The following CIT variants were observed in gnomAD, a reference collection of about 807,000 sequenced individuals.
CIT encodes the protein citron rho-interacting serine/threonine kinase, also known as citron Rho-interacting kinase.
CIT carries 79 observed loss-of-function variants against 272.7 expected under a neutral mutation model. The ratio of observed to expected loss-of-function variants is 0.29; its 90% confidence interval spans 0.24 to 0.35. The LOEUF is 0.35. Ranked by LOEUF, CIT falls within the 10% of genes least tolerant of loss-of-function variation. The pLI, the probability that CIT is intolerant of heterozygous loss-of-function variation, is 1.00. For synonymous variants in CIT, 948 were observed against 995.6 expected (o/e 0.95, Z 0.90); for missense variants, 1,909 against 2,618.3 (o/e 0.73, Z 5.91).
At chr12:119,868,993 T>C in intron 3 of CIT, 67 bp downstream of exon 3, 1 of 1,574,464 alleles carries the variant, frequency 6.4e-7, no homozygotes, top group Non-Finnish European at 8.7e-7. Context: ...TAACTCATTC[T>C]GCCTCAAGCA....
At chr12:119,766,529 C>CA (rs34681518) in intron 19 of CIT, among the ~76,000 whole-genome samples, 3 of 151,828 alleles carry the variant, frequency 2.0e-5, no homozygotes, top group Middle Eastern at 3.4e-3. Flanking sequence ...TTAATGGCTG[C>CA]AAAAAAATAG....
intron 2 of CIT, 42 bp downstream of exon 2, chr12:119,876,030 AG>A (rs996155412): frequency 8.4e-7 from 1 of 1,189,066 alleles, no homozygotes; most frequent in African/African-American, 1.5e-5. Flanking sequence ...GGAGATTCCA[AG>A]GACACACACA....
chr12:119,796,993 A>G (rs1965783994), intron 10 of CIT, among the ~76,000 whole-genome samples: 1 of 152,224 alleles, frequency 6.6e-6, no homozygotes, highest in Non-Finnish European at 1.5e-5. Flanking sequence ...TGGAAAAAAG[A>G]GGTGTTGAGT....
intron 23 of CIT, among the ~76,000 whole-genome samples, chr12:119,751,842 A>G (rs1186459478): frequency 2.0e-5 from 3 of 152,254 alleles, no homozygotes; most frequent in African/African-American, 7.2e-5. Context: ...GATACTAAGA[A>G]AAGTTTGAAT....
intron 28 of CIT, among the ~76,000 whole-genome samples, chr12:119,724,644 T>C (rs1475561600): frequency 6.6e-6 from 1 of 152,084 alleles, no homozygotes; most frequent in African/African-American, 2.4e-5. Context: ...ATAGTGGCTA[T>C]AAAGTGTCAT....
intron 23 of CIT, chr12:119,742,729 T>C: frequency 3.2e-6 from 1 of 317,258 alleles, no homozygotes; most frequent in Non-Finnish European, 5.7e-6. Flanking sequence ...TATTAACACC[T>C]ACAGGCTATT....
chr12:119,757,702 A>G (rs956774201), intron 21 of CIT, among the ~76,000 whole-genome samples, 157 bp from the exon 22 acceptor site: 1 of 152,142 alleles, frequency 6.6e-6, no homozygotes, highest in Admixed American at 6.5e-5. Context: ...TGGCCTCATA[A>G]GCATGATCCC....
At chr12:119,750,568 T>A (rs1374677991) in intron 23 of CIT, among the ~76,000 whole-genome samples, 4 of 151,922 alleles carry the variant, frequency 2.6e-5, no homozygotes, top group Non-Finnish European at 4.4e-5. Flanking sequence ...CTGAACTTGG[T>A]GTAAGTCCTA....
At chr12:119,820,838 C>T (rs990861206) in intron 9 of CIT, among the ~76,000 whole-genome samples, 11 of 151,938 alleles carry the variant, frequency 7.2e-5, no homozygotes, top group Non-Finnish European at 1.0e-4. Flanking sequence ...AGTGTGATGG[C>T]ACACACCTGT....
At position 119,876,323 on chromosome 12, in the gene CIT, T is replaced by C. The variant is rs946197060; in HGVS notation, c.-13-142A>G. ...AGTTTTAGGAAGCTCAGTCTAATCA[T>C]GGAGATTAAACACCAGATTTTAACT... is the stretch of plus-strand genomic sequence containing the variant. On this transcript the variant is annotated intron_variant, in intron 1 of 47. Transcript: ENST00000392521. 8.7e-5 allele frequency: 50 copies of C among 573,896 alleles called. 1 individual carries two copies. The East Asian group carries it at 1.4e-3, about 16-fold the overall frequency. The allele number at this position is 573,896 out of a possible 1,614,324, so 35.6% of individuals were successfully genotyped here.
At chr12:119,865,742 C>T (rs568714499) in intron 3 of CIT, among the ~76,000 whole-genome samples, 4 of 151,750 alleles carry the variant, frequency 2.6e-5, no homozygotes, top group East Asian at 3.9e-4. Context: ...TGGTGGTGCA[C>T]GCCTGTAGTC....
Position 119,701,973 on chromosome 12 carries a change from C to A in CIT, c.5305-15G>T, listed in dbSNP as rs1293312569. On this transcript the variant is annotated splice_polypyrimidine_tract_variant and intron_variant, in intron 41 of 47. Coordinates refer to ENST00000392521, the MANE Select transcript of CIT (RefSeq NM_001206999.2). ...GTCTCTATCTCCTGAGACATGAGAG[C>A]AGAAGAGAAGGATGTGAGAGGTAAC... is the stretch of plus-strand genomic sequence containing the variant. 1 of 1,591,886 alleles carries A rather than the reference C, an allele frequency of 6.3e-7. No individual in the cohort carries two copies. Among genetic ancestry groups the A allele is most frequent in the Non-Finnish European group, 8.6e-7 (1 of 1,160,040 alleles).
intron 10 of CIT, among the ~76,000 whole-genome samples, chr12:119,797,141 C>T (rs536789644): frequency 3.6e-4 from 55 of 152,310 alleles, no homozygotes; most frequent in African/African-American, 1.2e-3. Flanking sequence ...CATGTAGCGC[C>T]ATTTAGTCAA....
intron 5 of CIT, among the ~76,000 whole-genome samples, chr12:119,836,765 C>G (rs895443475): frequency 1.7e-4 from 26 of 152,108 alleles, no homozygotes; most frequent in African/African-American, 6.3e-4. Context: ...GAGCAGCCAC[C>G]GGCAACTCTT....
chr12:119,779,440 C>T (rs1425987746), intron 13 of CIT, among the ~76,000 whole-genome samples: 3 of 152,092 alleles, frequency 2.0e-5, no homozygotes, highest in African/African-American at 7.2e-5. Flanking sequence ...TCTATGAAAA[C>T]AGTGTCTTTG....
intron 6 of CIT, among the ~76,000 whole-genome samples, chr12:119,833,198 A>G (rs566550426): frequency 6.6e-6 from 1 of 152,290 alleles, no homozygotes; most frequent in African/African-American, 2.4e-5. Context: ...GAGGAAAACT[A>G]AGGCCAAAAG....
intron 5 of CIT, among the ~76,000 whole-genome samples, chr12:119,841,176 C>T (rs1969383058): frequency 6.6e-6 from 1 of 151,202 alleles, no homozygotes; most frequent in South Asian, 2.1e-4. Context: ...GTTTATTTAA[C>T]CTTTTTTTTT....
chr12:119,784,018 C>T lies in CIT; in HGVS notation c.1435G>A (p.Val479Met). The change falls in exon 12 of 48, where the codon GTG (valine) becomes ATG (methionine). Residue 479 changes from valine to methionine, a missense_variant. By Grantham distance (21) the Val-to-Met change is conservative. This residue lies in a region of CIT where 26 missense variants were observed against 44.1 expected (regional missense o/e 0.59). Coordinates refer to ENST00000392521, the MANE Select transcript of CIT (RefSeq NM_001206999.2). This position sits in a 1 kb window ranked among gnomAD's most constrained non-coding sequence, Gnocchi z 4.7. ...CTAAGCACAGCCTCCACCTCTGACA[C>T]TCTCCGATGTAACCGGGTCATTTCC... is the stretch of plus-strand genomic sequence containing the variant. ...EQEMTRLHRR[V>M]SEVEAVLSQK... 1.9e-6 allele frequency: 3 copies of T among 1,612,754 alleles called. No individual in the cohort carries two copies. Among genetic ancestry groups the T allele is most frequent in the Non-Finnish European group, 2.5e-6 (3 of 1,179,356 alleles).
At chr12:119,753,374 C>G (rs893612503) in intron 22 of CIT, among the ~76,000 whole-genome samples, 4 of 152,124 alleles carry the variant, frequency 2.6e-5, no homozygotes, top group African/African-American at 9.7e-5. Context: ...AAAGATGTAA[C>G]CTGCAAAACC....
Sources: allele counts gnomAD v4.1 joint callset (sites outside exome capture counted in the v4.1 genomes callset), GRCh38; gene constraint gnomAD v4.1.1; regional missense constraint gnomAD v4.1.1; non-coding constraint Gnocchi (gnomAD v3.1); transcripts MANE v1.5; gene names NCBI Gene and HGNC (gene_info 2026-07-23, HGNC 2026-07-21).